POLR3B: variants seen among roughly 807,000 people sequenced by gnomAD.
POLR3B encodes the protein RNA polymerase III subunit B.
A neutral mutation model predicts 147.4 loss-of-function variants in POLR3B; 96 were observed. That is an observed-to-expected ratio of 0.65 (90% CI 0.55 to 0.77). The LOEUF (loss-of-function observed/expected upper bound fraction) is 0.77. POLR3B is among the 30% of genes least tolerant of loss of function. The probability of loss-of-function intolerance (pLI) is 0.00; values close to 1 mark genes in which losing one functional copy is unlikely to be tolerated. For missense variants in POLR3B, 1,036 were observed against 1,413.5 expected (o/e 0.73, Z 4.28); for synonymous variants, 461 against 485.9 (o/e 0.95, Z 0.67).
chr12:106,496,119 C>T lies in POLR3B; in HGVS notation c.2778C>T (p.Asp926=), dbSNP rs267608689. The T allele has an allele frequency of 6.2e-7, 1 of 1,612,824 alleles. No homozygotes were observed. The highest frequency in any genetic ancestry group is 1.3e-5 in the African/African-American group (1 of 75,016). Residue 926 remains aspartate, a synonymous_variant, in exon 24 of 28, where the codon GAC becomes GAT. Coordinates refer to ENST00000228347, the MANE Select transcript of POLR3B (RefSeq NM_018082.6). ...TTTGTGATTCTGGCATCTGTCCGGA[C>T]ATCATCATGAACCCACACGGCTTCC... ...MPFCDSGICP[D]IIMNPHGFPS...
intron 23 of POLR3B, among the ~76,000 whole-genome samples, chr12:106,483,293 C>T (rs763534387): frequency 5.3e-5 from 8 of 152,178 alleles, no homozygotes; most frequent in Admixed American, 2.0e-4. Context: ...ACATGCCCAC[C>T]CACGTCCATC....
intron 20 of POLR3B, 115 bp downstream of exon 20, chr12:106,454,826 A>G (rs1205853974): frequency 2.8e-6 from 2 of 702,724 alleles, no homozygotes; most frequent in Admixed American, 4.2e-5. Context: ...GAATTTTATG[A>G]TATAGAAACA....
Position 106,393,103 on chromosome 12 carries a change from G to A in POLR3B, c.796G>A (p.Gly266Arg), listed in dbSNP as rs775102202. 1 of 1,614,194 alleles carries A rather than the reference G, an allele frequency of 6.2e-7. No individual in the cohort carries two copies. Among genetic ancestry groups the A allele is most frequent in the South Asian group, 1.1e-5 (1 of 91,084 alleles). ...AGAGGAGCACGTGATGGCTGCATTT[G>A]GGCCCAGTCTGGAAGAGTGCCAGAA... is the stretch of plus-strand genomic sequence containing the variant. ...GTEEHVMAAF[G>R]PSLEECQKAQ... Residue 266 changes from glycine (G) to arginine (R), a missense_variant, in exon 10 of 28, where the codon GGG becomes AGG. Physicochemically the swap from Gly to Arg is moderately radical, Grantham distance 125. Coordinates refer to ENST00000228347, the MANE Select transcript of POLR3B (RefSeq NM_018082.6).
intron 1 of POLR3B, among the ~76,000 whole-genome samples, chr12:106,360,192 C>G (rs1056325135): frequency 5.3e-4 from 80 of 152,354 alleles, no homozygotes; most frequent in African/African-American, 1.8e-3. Context: ...CCTTGCTCTG[C>G]AGCCAGAGCT....
intron 1 of POLR3B, among the ~76,000 whole-genome samples, chr12:106,360,490 C>T (rs1170809533): frequency 6.6e-6 from 1 of 152,244 alleles, no homozygotes; most frequent in Non-Finnish European, 1.5e-5. Context: ...TTTCCTGATT[C>T]TCCCAGAAGA....
intron 14 of POLR3B, 109 bp downstream of exon 14, chr12:106,430,582 T>C: frequency 1.2e-6 from 1 of 809,060 alleles, no homozygotes; most frequent in Non-Finnish European, 2.1e-6. Flanking sequence ...CCATATCCTT[T>C]CTTTGGTCTG....
intron 10 of POLR3B, among the ~76,000 whole-genome samples, chr12:106,396,237 C>G (rs2036977194): frequency 6.6e-6 from 1 of 152,184 alleles, no homozygotes; most frequent in South Asian, 2.1e-4. Context: ...AGAAGGCCAA[C>G]ATTTATTGAA....
intron 10 of POLR3B, among the ~76,000 whole-genome samples, chr12:106,396,159 G>A (rs2036975932): frequency 6.6e-6 from 1 of 152,144 alleles, no homozygotes; most frequent in East Asian, 1.9e-4. Context: ...GGGATACCCT[G>A]CTCACCTGTG....
intron 9 of POLR3B, among the ~76,000 whole-genome samples, chr12:106,382,412 A>T (rs556022655): frequency 1.3e-5 from 2 of 152,340 alleles, no homozygotes; most frequent in East Asian, 3.9e-4. Flanking sequence ...TCTAGAAAAG[A>T]GTGAATCCTT....
At chr12:106,430,224 A>G (rs1184413654) in intron 13 of POLR3B, 49 bp from the exon 14 acceptor site, 2 of 1,443,688 alleles carry the variant, frequency 1.4e-6, no homozygotes, top group Non-Finnish European at 2.0e-6. Flanking sequence ...GGTATCAGAC[A>G]ACATAGGATT....
chr12:106,482,530 A>G (rs2038282209), intron 23 of POLR3B, among the ~76,000 whole-genome samples: 1 of 152,110 alleles, frequency 6.6e-6, no homozygotes, highest in Admixed American at 6.6e-5. Flanking sequence ...GGTGCTACAC[A>G]CTTTAAAACA....
chr12:106,493,235 A>G (rs2038429715), intron 23 of POLR3B, among the ~76,000 whole-genome samples: 1 of 152,254 alleles, frequency 6.6e-6, no homozygotes, highest in South Asian at 2.1e-4. Context: ...ATTTTAAACC[A>G]GTGTTAAGGG....
At chr12:106,490,547 A>G (rs2038393780) in intron 23 of POLR3B, among the ~76,000 whole-genome samples, 2 of 152,218 alleles carry the variant, frequency 1.3e-5, no homozygotes, top group African/African-American at 4.8e-5. Context: ...GTCAACCGGT[A>G]TATGGCAAGT....
chr12:106,398,131 C>A (rs1338991140), intron 10 of POLR3B, among the ~76,000 whole-genome samples: 2 of 152,218 alleles, frequency 1.3e-5, no homozygotes, highest in Non-Finnish European at 2.9e-5. Context: ...GTCACTCCCA[C>A]CCTAATACTG....
rs1241779787 is a variant in POLR3B at position 106,474,710 on chromosome 12, T to C, written c.2713+11090T>C. ...TGTATTTCTGTGGGATCGGTGGTGA[T>C]ATCCCCTTTATCATTTTTTATTGTG... On this transcript the variant is annotated intron_variant, in intron 23 of 27. Coordinates refer to ENST00000228347, the MANE Select transcript of POLR3B (RefSeq NM_018082.6). 2.9e-5 allele frequency among the ~76,000 whole-genome samples: 4 copies of C among 136,714 alleles called. No homozygotes were observed. In the Admixed American group the frequency reaches 2.9e-4, roughly 10 times the overall value. 89.7% of individuals were successfully genotyped at this position (136,714 alleles called of 152,430 possible). A position where few individuals can be genotyped will look rare whatever the true frequency, so the allele number is the denominator to read the frequency against.
chr12:106,425,084 A>G (rs2037418952), intron 12 of POLR3B, among the ~76,000 whole-genome samples: 1 of 152,130 alleles, frequency 6.6e-6, no homozygotes, highest in South Asian at 2.1e-4. Flanking sequence ...TTCTTTTCCA[A>G]TATTTATATC....
chr12:106,455,893 A>G (rs2037858424), intron 20 of POLR3B, among the ~76,000 whole-genome samples: 1 of 152,220 alleles, frequency 6.6e-6, no homozygotes, highest in African/African-American at 2.4e-5. Context: ...TCACCTTCAT[A>G]TTTAAAAAAT....
At chr12:106,380,237 A>G (rs1455108350) in intron 9 of POLR3B, 98 bp downstream of exon 9, 1 of 750,086 alleles carries the variant, frequency 1.3e-6, no homozygotes, top group East Asian at 2.7e-5. Context: ...TTCTTGGAAT[A>G]GAAAGATTTG....
intron 8 of POLR3B, among the ~76,000 whole-genome samples, chr12:106,379,274 A>G (rs377419606): frequency 5.3e-5 from 8 of 152,188 alleles, no homozygotes; most frequent in African/African-American, 1.4e-4. Context: ...TCTTCCCACT[A>G]TCTGTAACTT....
Sources: gnomAD v4.1 joint callset for allele counts (sites outside exome capture counted in the v4.1 genomes callset) on GRCh38, gnomAD v4.1.1 for gene constraint, MANE v1.5 for transcripts, NCBI Gene and HGNC (gene_info 2026-07-23, HGNC 2026-07-21) for gene names.